HSPA12A: variants seen among roughly 807,000 people sequenced by gnomAD.
HSPA12A encodes the protein heat shock 70 kDa protein 12A.
Under a neutral mutation model 69.2 loss-of-function variants are expected in HSPA12A, and 28 were observed. That is an observed-to-expected ratio of 0.40 (90% CI 0.30 to 0.55). The LOEUF (loss-of-function observed/expected upper bound fraction) is 0.55, where lower values mean the gene tolerates loss of function less well. Ranked by LOEUF, HSPA12A falls within the 20% of genes least tolerant of loss-of-function variation. The pLI is 0.38. For synonymous variants in HSPA12A, 345 were observed against 370.5 expected (o/e 0.93, Z 0.79); for missense variants, 686 against 900.7 (o/e 0.76, Z 3.05).
chr10:116,783,425 C>T (rs1472178500), intron 2 of HSPA12A, among the ~76,000 whole-genome samples: 2 of 152,136 alleles, frequency 1.3e-5, no homozygotes, highest in African/African-American at 4.8e-5. Context: ...AGGGTCTGCC[C>T]ACGATTATTG....
At chr10:116,774,490 C>G (rs1554890893) in intron 2 of HSPA12A, among the ~76,000 whole-genome samples, 4 of 152,170 alleles carry the variant, frequency 2.6e-5, no homozygotes. Context: ...GACCCAGAGA[C>G]TCTGGGTAGG....
At chr10:116,692,645 C>G (rs927590237) in intron 5 of HSPA12A, among the ~76,000 whole-genome samples, 178 bp from the exon 6 acceptor site, 1 of 152,146 alleles carries the variant, frequency 6.6e-6, no homozygotes. Flanking sequence ...TTCTGCAAGC[C>G]GGGAGCTCTA....
intron 2 of HSPA12A, among the ~76,000 whole-genome samples, chr10:116,809,903 T>A (rs1378856596): frequency 6.6e-6 from 1 of 152,190 alleles, no homozygotes; most frequent in African/African-American, 2.4e-5. Context: ...GGCAGCTACC[T>A]AAAACCTGTC....
In HSPA12A at chr10:116,679,407, G is replaced by A. The variant is rs1456180703; in HGVS notation, c.1286+96C>T. On this transcript the variant is annotated intron_variant, in intron 10 of 11. Coordinates refer to ENST00000369209, the MANE Select transcript of HSPA12A (RefSeq NM_025015.3). ...CCCAAGGTCATACAGCAAGTGTGTA[G>A]GATTGGAACCCGAAGTCCACACTTC... 2.5e-5 allele frequency: 37 copies of A among 1,480,180 alleles called. No individual in the cohort carries two copies. The African/African-American group carries it at 4.0e-4, about 16-fold the overall frequency. The allele number at this position is 1,480,180 out of a possible 1,614,324, so 91.7% of individuals were successfully genotyped here. A position where few individuals can be genotyped will look rare whatever the true frequency, so the allele number is the denominator to read the frequency against.
intron 1 of HSPA12A, among the ~76,000 whole-genome samples, chr10:116,716,659 G>C (rs111436033): frequency 1.3e-5 from 2 of 152,302 alleles, no homozygotes; most frequent in African/African-American, 4.8e-5. Flanking sequence ...GCCAGAGTTG[G>C]CTCTTCGGCT....
At position 116,674,862 on chromosome 10, in the gene HSPA12A, C is replaced by T. The variant is rs782718841; in HGVS notation, c.1947G>A (p.Gly649=). 2 of 1,613,814 alleles carry T rather than the reference C, an allele frequency of 1.2e-6. No individual in the cohort carries two copies. The highest frequency in any genetic ancestry group is 1.7e-6 in the Non-Finnish European group (2 of 1,180,034). ...RREIQTLMQF[G]DTEIKATAID... Reference sequence around the variant, plus strand: ...TGGCTGTGGCTTTGATCTCGGTGTCCCCGAACTGCATAAGGGTCTGGATCT... The same window carrying T: ...TGGCTGTGGCTTTGATCTCGGTGTCTCCGAACTGCATAAGGGTCTGGATCT... Residue 649 remains glycine (G), a synonymous_variant, in exon 12 of 12, where the codon GGG becomes GGA. Transcript: ENST00000369209.
At chr10:116,684,321 C>T (rs1429548668) in intron 6 of HSPA12A, among the ~76,000 whole-genome samples, 1 of 152,068 alleles carries the variant, frequency 6.6e-6, no homozygotes, top group Non-Finnish European at 1.5e-5. Flanking sequence ...CTTCCATGCT[C>T]CAGTGGTGAA....
upstream of HSPA12A, among the ~76,000 whole-genome samples, chr10:116,745,959 G>A (rs1036216580): frequency 6.6e-6 from 1 of 152,116 alleles, no homozygotes; most frequent in Admixed American, 6.5e-5. Flanking sequence ...CAGAACTCAG[G>A]TCTCTCCAGC....
At chr10:116,786,293 AATTTGGTGGG>A (rs1844575505) in intron 2 of HSPA12A, among the ~76,000 whole-genome samples, 1 of 152,160 alleles carries the variant, frequency 6.6e-6, no homozygotes, top group Non-Finnish European at 1.5e-5. Flanking sequence ...TATTTTTGGT[AATTTGGTGGG>A]GAAACAGGCT....
intron 2 of HSPA12A, among the ~76,000 whole-genome samples, chr10:116,773,813 A>C (rs1314410271): frequency 6.6e-6 from 1 of 152,184 alleles, no homozygotes; most frequent in African/African-American, 2.4e-5. Flanking sequence ...TGTGGTAATG[A>C]TGATGACGAT....
intron 2 of HSPA12A, among the ~76,000 whole-genome samples, chr10:116,768,313 A>T (rs1025356473): frequency 1.6e-4 from 25 of 152,198 alleles, no homozygotes; most frequent in African/African-American, 5.8e-4. Flanking sequence ...ATCCATAGAG[A>T]CAGAAAGCAG....
In HSPA12A at chr10:116,752,893, CT is replaced by C. The variant is rs572268959; in HGVS notation, c.92-45609del. The stretch of plus-strand genomic sequence containing the variant: ...GTTAGCCATTATAACTGGCCATTAC[CT>C]ATAGCCCACTCTCAGTAATGACTCC... On this transcript the variant is annotated intron_variant, in intron 2 of 12. Transcript: ENST00000635765. 8.5e-5 allele frequency among the ~76,000 whole-genome samples: 13 copies of C among 152,292 alleles called. No individual in the cohort carries two copies. In the South Asian group the frequency reaches 2.5e-3, roughly 29 times the overall value.
chr10:116,695,220 C>T (rs1554880646), intron 5 of HSPA12A, among the ~76,000 whole-genome samples: 1 of 152,136 alleles, frequency 6.6e-6, no homozygotes, highest in Admixed American at 6.5e-5. Flanking sequence ...TGCAGGCTCT[C>T]GGGATTACTG....
At chr10:116,824,466 A>T (rs991647853) in intron 2 of HSPA12A, among the ~76,000 whole-genome samples, 34 of 152,372 alleles carry the variant, frequency 2.2e-4, no homozygotes, top group African/African-American at 7.9e-4. Flanking sequence ...AACATTATTC[A>T]TAATAGCCCC....
chr10:116,836,231 T>G (rs1035335451), intron 1 of HSPA12A, among the ~76,000 whole-genome samples: 1 of 152,124 alleles, frequency 6.6e-6, no homozygotes, highest in Non-Finnish European at 1.5e-5. Flanking sequence ...TCTTGCTCCC[T>G]GCCTGGCTTT....
chr10:116,711,568 C>T (rs1215404404), intron 1 of HSPA12A, among the ~76,000 whole-genome samples: 2 of 152,118 alleles, frequency 1.3e-5, no homozygotes, highest in Non-Finnish European at 2.9e-5. Context: ...AAGCATCTTC[C>T]ACTTCAAGCA....
intron 2 of HSPA12A, among the ~76,000 whole-genome samples, chr10:116,782,874 G>A (rs1844493976): frequency 1.3e-5 from 2 of 152,160 alleles, no homozygotes; most frequent in African/African-American, 4.8e-5. Context: ...CACTGAGACT[G>A]ACTCCCAGGC....
Position 116,675,682 on chromosome 10 carries a change from T to C in HSPA12A, c.1391-264A>G, listed in dbSNP as rs1554877618. 6.6e-6 allele frequency among the ~76,000 whole-genome samples: 1 copy of C among 152,234 alleles called. No individual in the cohort carries two copies. Among genetic ancestry groups the C allele is most frequent in the African/African-American group, 2.4e-5 (1 of 41,466 alleles). On this transcript the variant is annotated intron_variant, in intron 11 of 11. Coordinates refer to ENST00000369209, the MANE Select transcript of HSPA12A (RefSeq NM_025015.3). The surrounding 1 kb of genome is among the most constrained non-coding windows in gnomAD (Gnocchi z 5.2). ...ACAGATACATGGTGATAATTTTAAG[T>C]AGAATTTGGTTTGCATAAATGAATA... is the stretch of plus-strand genomic sequence containing the variant.
intron 1 of HSPA12A, among the ~76,000 whole-genome samples, chr10:116,737,589 A>T (rs1851353322): frequency 6.6e-6 from 1 of 152,186 alleles, no homozygotes; most frequent in South Asian, 2.1e-4. Flanking sequence ...TACTAATTTC[A>T]CTAGGAAAAG....
Sources: gnomAD v4.1 joint callset for allele counts (sites outside exome capture counted in the v4.1 genomes callset) on GRCh38, gnomAD v4.1.1 for gene constraint, Gnocchi (gnomAD v3.1) non-coding constraint, MANE v1.5 for transcripts, NCBI Gene and HGNC (gene_info 2026-07-23, HGNC 2026-07-21) for gene names.